Variants in APBA2 observed in about 807,000 individuals in gnomAD.
APBA2 encodes amyloid-beta A4 precursor protein-binding family A member 2.
In APBA2, 30 loss-of-function variants were observed where a neutral mutation model predicts 75.0. That is an observed-to-expected ratio of 0.40 (90% CI 0.30 to 0.54). The LOEUF (loss-of-function observed/expected upper bound fraction) is 0.54, where lower values mean the gene tolerates loss of function less well. Among genes scored for constraint, APBA2 ranks in the 20% least tolerant of loss-of-function variants. The pLI, the probability that APBA2 is intolerant of heterozygous loss-of-function variation, is 0.49. For missense variants in APBA2, 801 were observed against 1,016.1 expected, an observed-to-expected ratio of 0.79 and a Z score of 2.88; for synonymous variants, 444 against 409.6, an observed-to-expected ratio of 1.08 and a Z score of -1.01.
intron 1 of APBA2, among the ~76,000 whole-genome samples, chr15:28,890,387 C>T (rs1213947446): frequency 3.3e-5 from 5 of 152,172 alleles, no homozygotes. Context: ...GCAGTCACCT[C>T]GGATGTGGAT....
chr15:28,973,408 A>G (rs1318462683), intron 2 of APBA2, among the ~76,000 whole-genome samples: 1 of 152,222 alleles, frequency 6.6e-6, no homozygotes, highest in South Asian at 2.1e-4. Flanking sequence ...ATCTTTTAAA[A>G]TTGTCCATGG....
intron 1 of APBA2, among the ~76,000 whole-genome samples, chr15:28,914,285 C>A (rs1050316077): frequency 6.6e-6 from 1 of 151,770 alleles, no homozygotes; most frequent in African/African-American, 2.4e-5. Flanking sequence ...CACCTCCGAG[C>A]CTGGTGTATG....
intron 1 of APBA2, among the ~76,000 whole-genome samples, chr15:28,909,110 C>T (rs909123292): frequency 7.2e-5 from 11 of 152,024 alleles, no homozygotes; most frequent in Non-Finnish European, 1.2e-4. Flanking sequence ...CCTCAGCCTC[C>T]CAAGTAGCTG....
chr15:29,012,875 G>GT (rs1231471902), intron 3 of APBA2, among the ~76,000 whole-genome samples: 7 of 152,162 alleles, frequency 4.6e-5, no homozygotes, highest in African/African-American at 1.7e-4. Flanking sequence ...TCCTGTGTGT[G>GT]TTTTTAACCT....
chr15:28,994,316 G>A (rs181943236), intron 2 of APBA2, among the ~76,000 whole-genome samples: 5 of 152,254 alleles, frequency 3.3e-5, no homozygotes, highest in South Asian at 2.1e-4. Context: ...ACTCCACTGC[G>A]GAAAGCGTGT....
Position 29,059,042 on chromosome 15 carries a change from G to A in APBA2, c.951+4207G>A, listed in dbSNP as rs184978790. Among the ~76,000 whole-genome samples the A allele has an allele frequency of 6.4e-3, 976 of 152,288 alleles. 6 individuals carry two copies. The highest frequency in any genetic ancestry group is 9.1e-3 in the Non-Finnish European group (622 of 68,016). Reference sequence around the variant, plus strand: ...ATTTGTAACCCTGAAATCAATACTCGTAGCACTTTCCCAGTCATTTGTGGA... The same window carrying A: ...ATTTGTAACCCTGAAATCAATACTCATAGCACTTTCCCAGTCATTTGTGGA... On this transcript the variant is annotated intron_variant, in intron 4 of 14. Coordinates refer to ENST00000683413, the MANE Select transcript of APBA2 (RefSeq NM_001353788.2).
chr15:29,025,004 G>T (rs1272985042), intron 3 of APBA2, among the ~76,000 whole-genome samples: 4 of 152,164 alleles, frequency 2.6e-5, no homozygotes, highest in African/African-American at 9.7e-5. Context: ...TTTGCTGAAT[G>T]ATTAAATCCA....
In APBA2 at chr15:28,987,729, G is replaced by GATAT. The variant is rs146348050; in HGVS notation, c.-94-8003_-94-8000dup. ...GAGTGTCAAAGAATATGTGGAGAGA[G>GATAT]ATATATATATATATATATATATATT... is the stretch of plus-strand genomic sequence containing the variant. On this transcript the variant is annotated intron_variant, in intron 2 of 14. Transcript: ENST00000683413. Among the ~76,000 whole-genome samples the GATAT allele has an allele frequency of 2.3e-3, 239 of 106,218 alleles. 2 individuals are homozygous for GATAT. The highest frequency in any genetic ancestry group is 5.1e-3 in the Middle Eastern group (1 of 196). 69.7% of individuals were successfully genotyped at this position (106,218 alleles called of 152,430 possible).
chr15:28,947,143 G>A (rs534991145), intron 2 of APBA2, among the ~76,000 whole-genome samples: 162 of 152,274 alleles, frequency 1.1e-3, no homozygotes, highest in African/African-American at 2.4e-3. Context: ...CTGCCACAGC[G>A]CACTTGCAGC....
At chr15:29,002,949 A>T (rs2038925999) in intron 3 of APBA2, among the ~76,000 whole-genome samples, 1 of 152,034 alleles carries the variant, frequency 6.6e-6, no homozygotes, top group African/African-American at 2.4e-5. Context: ...GAGGGGGAAG[A>T]CGGGCGTTCC....
At chr15:28,913,501 C>T (rs1375012181) in intron 1 of APBA2, among the ~76,000 whole-genome samples, 2 of 152,132 alleles carry the variant, frequency 1.3e-5, no homozygotes, top group African/African-American at 4.8e-5. Flanking sequence ...GCAAGCCACT[C>T]CCTGGGAAGC....
chr15:28,915,660 TAC>T (rs1203193150), intron 1 of APBA2, among the ~76,000 whole-genome samples: 3 of 139,612 alleles, frequency 2.1e-5, no homozygotes, highest in African/African-American at 8.1e-5. Context: ...ATAGCATATA[TAC>T]ACACACCATG....
At chr15:29,114,059 C>A in intron 14 of APBA2, 43 bp downstream of exon 14, 1 of 1,613,108 alleles carries the variant, frequency 6.2e-7, no homozygotes, top group Non-Finnish European at 8.5e-7. Flanking sequence ...CCGGTTCCCA[C>A]GTGCTCCCGC....
At position 29,117,362 on chromosome 15, in the gene APBA2, C is replaced by T; in HGVS notation, c.*229C>T. On this transcript the variant is annotated 3_prime_UTR_variant, in exon 15 of 15. Coordinates refer to ENST00000683413, the MANE Select transcript of APBA2 (RefSeq NM_001353788.2). ...ACAAATGTTTGTTTGTAAAGCGTTC[C>T]AAGTATTTTGCCACGTTCTGGACTG... 1 of 592,096 alleles carries T rather than the reference C, an allele frequency of 1.7e-6. No homozygotes were observed. Among genetic ancestry groups the T allele is most frequent in the Non-Finnish European group, 3.0e-6 (1 of 331,704 alleles). 36.7% of individuals were successfully genotyped at this position (592,096 alleles called of 1,614,324 possible).
intron 2 of APBA2, among the ~76,000 whole-genome samples, chr15:28,994,413 A>G (rs761266197): frequency 6.6e-6 from 1 of 152,136 alleles, no homozygotes; most frequent in Non-Finnish European, 1.5e-5. Flanking sequence ...GTGAAGCACC[A>G]TGTTGCTTCA....
intron 1 of APBA2, among the ~76,000 whole-genome samples, chr15:28,913,912 C>T (rs1390642711): frequency 6.6e-6 from 1 of 152,146 alleles, no homozygotes; most frequent in Non-Finnish European, 1.5e-5. Flanking sequence ...GCCTCCTGTC[C>T]TGGGCTGCAG....
intron 2 of APBA2, among the ~76,000 whole-genome samples, chr15:28,940,035 C>T (rs1322732216): frequency 5.3e-5 from 8 of 152,148 alleles, no homozygotes; most frequent in African/African-American, 9.7e-5. Context: ...GAAAAAGTCC[C>T]GTGTGGTTTC....
At chr15:28,996,097 C>T (rs527737631) in intron 3 of APBA2, among the ~76,000 whole-genome samples, 1 of 152,278 alleles carries the variant, frequency 6.6e-6, no homozygotes, top group South Asian at 2.1e-4. Context: ...CCCATCTGTC[C>T]TCTCCTCATT....
At chr15:29,031,263 T>C in intron 3 of APBA2, among the ~76,000 whole-genome samples, 1 of 152,328 alleles carries the variant, frequency 6.6e-6, no homozygotes, top group Non-Finnish European at 1.5e-5. Flanking sequence ...ACTGCATTCA[T>C]TTGCTCAGGC....
Sources: allele counts gnomAD v4.1 joint callset (sites outside exome capture counted in the v4.1 genomes callset), GRCh38; gene constraint gnomAD v4.1.1; transcripts MANE v1.5; gene names NCBI Gene and HGNC (gene_info 2026-07-23, HGNC 2026-07-21).